NLRP5: variants seen among roughly 807,000 people sequenced by gnomAD.
NLRP5 encodes NLR family pyrin domain containing 5, also known as NACHT, LRR and PYD domains-containing protein 5.
NLRP5 carries 93 observed loss-of-function variants against 113.1 expected under a neutral mutation model. That is an observed-to-expected ratio of 0.82 (90% CI 0.70 to 0.98). NLRP5 has a LOEUF of 0.98. Among genes scored for constraint, NLRP5 ranks in the 50% least tolerant of loss-of-function variants. NLRP5 has a pLI of 0.00. For missense variants in NLRP5, 1,808 were observed against 1,514.3 expected, an observed-to-expected ratio of 1.19 and a Z score of -3.22; for synonymous variants, 751 against 600.7, an observed-to-expected ratio of 1.25 and a Z score of -3.66.
upstream of NLRP5, among the ~76,000 whole-genome samples, chr19:55,997,875 T>C (rs1981380351): frequency 6.9e-6 from 1 of 144,838 alleles, no homozygotes; most frequent in African/African-American, 2.6e-5. Context: ...AAAAAAAAAT[T>C]AATTTGAAGG....
the NLRP5 span, among the ~76,000 whole-genome samples, chr19:55,991,793 T>A: frequency 6.6e-6 from 1 of 152,202 alleles, no homozygotes; most frequent in African/African-American, 2.4e-5. Flanking sequence ...TAGGTAAATA[T>A]AAATAATAGT....
intron 14 of NLRP5, 52 bp downstream of exon 14, chr19:56,058,462 C>T: frequency 6.7e-7 from 1 of 1,495,140 alleles, no homozygotes; most frequent in Admixed American, 2.1e-5. Context: ...CTGTTCCAGG[C>T]TTGTTAGCTG....
In NLRP5 at chr19:56,028,482, C is replaced by G. The variant is rs1982969700; in HGVS notation, c.2249C>G (p.Ala750Gly). The stretch of plus-strand genomic sequence containing the variant: ...GGGATCTTCCCAAGAGATGAGTCCG[C>G]TGAGGCATGTCCTGTGGTCCCTCTA... The change falls in exon 7 of 15, where the codon GCT (alanine) becomes GGT (glycine). Residue 750 changes from alanine to glycine, a missense_variant. Transcript: ENST00000390649. 1.2e-6 allele frequency: 2 copies of G among 1,613,564 alleles called. No individual in the cohort carries two copies. The highest frequency in any genetic ancestry group is 1.3e-5 in the African/African-American group (1 of 74,944).
intron 7 of NLRP5, among the ~76,000 whole-genome samples, chr19:56,031,526 G>A (rs571353325): frequency 5.3e-5 from 8 of 151,646 alleles, no homozygotes; most frequent in Admixed American, 2.0e-4. Flanking sequence ...AGCTACTTGG[G>A]AGGCTGAGGC....
chr19:56,039,045 T>C (rs1396772825), intron 10 of NLRP5, among the ~76,000 whole-genome samples: 3 of 152,272 alleles, frequency 2.0e-5, no homozygotes, highest in Middle Eastern at 3.4e-3. Context: ...CAACCACTAT[T>C]CAATGCTTAC....
chr19:56,030,714 C>CTTTTTTTTTTTT (rs770624516), intron 7 of NLRP5, among the ~76,000 whole-genome samples: 3,714 of 70,912 alleles, frequency 0.052, 770 homozygotes, highest in African/African-American at 0.15. Flanking sequence ...CTTTCTTCTT[C>CTTTTTTTTTTTT]TTTTTTTTTT....
upstream of NLRP5, among the ~76,000 whole-genome samples, chr19:55,999,342 G>A (rs1242787828): frequency 6.6e-6 from 1 of 151,056 alleles, no homozygotes; most frequent in East Asian, 2.0e-4. Context: ...AGCCTCCCGA[G>A]TAGCTGGGGT....
intron 6 of NLRP5, among the ~76,000 whole-genome samples, chr19:56,023,940 A>C (rs772799700): frequency 6.6e-6 from 1 of 152,118 alleles, no homozygotes; most frequent in Non-Finnish European, 1.5e-5. Flanking sequence ...CAGTAAACTT[A>C]AGGTCCCAGG....
Position 56,003,852 on chromosome 19 carries a change from T to C in NLRP5, c.199T>C (p.Trp67Arg). 5 of 1,613,954 alleles carry C rather than the reference T, an allele frequency of 3.1e-6. No homozygotes were observed. Among genetic ancestry groups the C allele is most frequent in the Non-Finnish European group, 4.2e-6 (5 of 1,179,890 alleles). Residue 67 changes from tryptophan (W) to arginine (R), a missense_variant, in exon 2 of 15, where the codon TGG becomes CGG. By Grantham distance (101) the Trp-to-Arg change is moderately radical (BLOSUM62 -3). Transcript: ENST00000390649. ...CACCTTTTCCAGCTACGGGCTGCAA[T>C]GGTGTCTCTATGAGCTAGACAAGGA...
the NLRP5 span, among the ~76,000 whole-genome samples, chr19:55,988,883 TC>T: frequency 6.6e-6 from 1 of 152,296 alleles, no homozygotes; most frequent in South Asian, 2.1e-4. Flanking sequence ...TTTCCATGTA[TC>T]CAGGTGGTTT....
intron 11 of NLRP5, among the ~76,000 whole-genome samples, chr19:56,044,229 A>G (rs1203323034): frequency 6.6e-6 from 1 of 151,574 alleles, no homozygotes; most frequent in Non-Finnish European, 1.5e-5. Context: ...ATGCCCAGCT[A>G]ATTTTTGTAT....
chr19:56,010,573 C>A (rs2123280197), intron 3 of NLRP5, among the ~76,000 whole-genome samples: 1 of 146,698 alleles, frequency 6.8e-6, no homozygotes, highest in South Asian at 2.2e-4. Context: ...GGAGACACCC[C>A]ATGTCTACTA....
At chr19:56,050,305 T>C in intron 11 of NLRP5, 113 bp from the exon 12 acceptor site, 1 of 937,742 alleles carries the variant, frequency 1.1e-6, no homozygotes, top group Non-Finnish European at 1.6e-6. Flanking sequence ...AAAACAAATA[T>C]GACCCCACCC....
chr19:55,997,376 T>C (rs545364308), upstream of NLRP5, among the ~76,000 whole-genome samples: 1 of 152,306 alleles, frequency 6.6e-6, no homozygotes, highest in African/African-American at 2.4e-5. Context: ...TCAAAGATTT[T>C]TGTATCTATG....
At chr19:56,014,197 C>A (rs1235320202) in intron 3 of NLRP5, among the ~76,000 whole-genome samples, 2 of 152,008 alleles carry the variant, frequency 1.3e-5, no homozygotes, top group Non-Finnish European at 1.5e-5. Flanking sequence ...AATTGTTTAA[C>A]CCAGCTGGGT....
rs140570438 is a variant in NLRP5, at chr19:56,007,869, T to TTGTGTGTGTGTGTGTGTGTGTG, written c.443-899_443-898insTGTGTGTGTGTGTGTGTGTGTG. On this transcript the variant is annotated intron_variant, in intron 2 of 14. Coordinates refer to ENST00000390649, the MANE Select transcript of NLRP5 (RefSeq NM_153447.4). ...ATGCTTCCAAAGTGTACAAGACAGT[T>TTGTGTGTGTGTGTGTGTGTGTG]TGTGTGTGTGTGTGTGTGTGCGCGT... Among the ~76,000 whole-genome samples the TTGTGTGTGTGTGTGTGTGTGTG allele has an allele frequency of 2.2e-4, 19 of 85,928 alleles. 5 individuals are homozygous for TTGTGTGTGTGTGTGTGTGTGTG. Among genetic ancestry groups the TTGTGTGTGTGTGTGTGTGTGTG allele is most frequent in the African/African-American group, 7.6e-4 (18 of 23,838 alleles). 56.4% of individuals were successfully genotyped at this position (85,928 alleles called of 152,430 possible). A position where few individuals can be genotyped will look rare whatever the true frequency, so the allele number is the denominator to read the frequency against.
chr19:56,056,096 C>T (rs1391884324), intron 13 of NLRP5, among the ~76,000 whole-genome samples: 3 of 152,202 alleles, frequency 2.0e-5, no homozygotes, highest in African/African-American at 7.2e-5. Context: ...GTCAATTTCA[C>T]AACAATTCAT....
At chr19:56,023,859 TAC>T (rs939072454) in intron 6 of NLRP5, among the ~76,000 whole-genome samples, 6 of 152,186 alleles carry the variant, frequency 3.9e-5, no homozygotes, top group Non-Finnish European at 5.9e-5. Flanking sequence ...AGACTTTGCA[TAC>T]AGTTAGTAAT....
chr19:56,005,107 A>AATATATATATAT (rs773360006), intron 2 of NLRP5, among the ~76,000 whole-genome samples: 1 of 95,344 alleles, frequency 1.0e-5, no homozygotes, highest in African/African-American at 3.9e-5. Context: ...AAAAAAAAAA[A>AATATATATATAT]ATATATATAT....
Sources: gnomAD v4.1 joint callset for allele counts (sites outside exome capture counted in the v4.1 genomes callset) on GRCh38, gnomAD v4.1.1 for gene constraint, MANE v1.5 for transcripts, NCBI Gene and HGNC (gene_info 2026-07-23, HGNC 2026-07-21) for gene names.